Variants in LRP5 observed in about 807,000 individuals in gnomAD.
The protein encoded by LRP5 is low-density lipoprotein receptor-related protein 5.
A neutral mutation model predicts 154.1 loss-of-function variants in LRP5; 62 were observed. The observed-to-expected ratio is 0.40, with a 90% CI of 0.33 to 0.50. LRP5 has a LOEUF of 0.50. Among genes scored for constraint, LRP5 ranks in the 20% least tolerant of loss-of-function variants. LRP5 has a pLI of 0.55. For synonymous variants in LRP5, 966 were observed against 1,011.5 expected (o/e 0.96, Z 0.85); for missense variants, 1,915 against 2,336.7 (o/e 0.82, Z 3.72).
At chr11:68,356,108 C>T (rs1247721247) in intron 2 of LRP5, among the ~76,000 whole-genome samples, 12 of 150,622 alleles carry the variant, frequency 8.0e-5, no homozygotes, top group African/African-American at 2.0e-4. Context: ...CCTCCCAAAG[C>T]GCTGGAATTA....
chr11:68,303,643 G>A, the LRP5 span, among the ~76,000 whole-genome samples: 58 of 152,218 alleles, frequency 3.8e-4, no homozygotes, highest in Admixed American at 9.2e-4. Context: ...ACAGGTCTGC[G>A]CCACCACACC....
chr11:68,413,649 T>C lies in LRP5; in HGVS notation c.2504-40T>C, dbSNP rs1181086334. 11 of 1,589,860 alleles carry C rather than the reference T, an allele frequency of 6.9e-6. No homozygotes were observed. Among genetic ancestry groups the C allele is most frequent in the Admixed American group, 3.3e-5 (2 of 59,984 alleles). ...GGCGCCGTGTGCTCTGTGGCCTGGC[T>C]GTGCCTTTGCTGACACCGTGCCCGT... is the stretch of plus-strand genomic sequence containing the variant. On this transcript the variant is annotated intron_variant, in intron 11 of 22. Transcript: ENST00000294304. This position sits in a 1 kb window ranked among gnomAD's most constrained non-coding sequence, Gnocchi z 5.1.
Position 68,449,204 on chromosome 11 carries a change from ATGGGG to A in LRP5, c.*139_*143del, listed in dbSNP as rs1485927874. 3 of 315,084 alleles carry A rather than the reference ATGGGG, an allele frequency of 9.5e-6. No homozygotes were observed. In the East Asian group the frequency reaches 2.0e-4, roughly 21 times the overall value. The allele number at this position is 315,084 out of a possible 1,614,324, so 19.5% of individuals were successfully genotyped here. A position where few individuals can be genotyped will look rare whatever the true frequency, so the allele number is the denominator to read the frequency against. The stretch of plus-strand genomic sequence containing the variant: ...AAAAACATGAGAAATGTGAACTGTG[ATGGGG>A]TGGGCAGGGCTGGGAGAACTTTGTA... On this transcript the variant is annotated 3_prime_UTR_variant, in exon 23 of 23. Coordinates refer to ENST00000294304, the MANE Select transcript of LRP5 (RefSeq NM_002335.4).
chr11:68,404,278 G>C (rs147879658), intron 8 of LRP5: 1 of 529,410 alleles, frequency 1.9e-6, no homozygotes, highest in East Asian at 4.0e-5. Flanking sequence ...ACAGGCCTGG[G>C]GCTCGCGGGC....
chr11:68,316,938 A>G (rs1385561154), intron 1 of LRP5, among the ~76,000 whole-genome samples: 2 of 152,264 alleles, frequency 1.3e-5, no homozygotes, highest in East Asian at 1.9e-4. Flanking sequence ...GAAACACTTA[A>G]TGCGCTCTCC....
chr11:68,370,121 G>A (rs904982010), intron 5 of LRP5, among the ~76,000 whole-genome samples: 6 of 152,106 alleles, frequency 3.9e-5, no homozygotes, highest in East Asian at 1.9e-4. Flanking sequence ...GTAAAGGGGC[G>A]TTGATTTCTT....
At chr11:68,368,740 C>T (rs569094032) in intron 5 of LRP5, among the ~76,000 whole-genome samples, 9 of 152,086 alleles carry the variant, frequency 5.9e-5, no homozygotes, top group Middle Eastern at 3.4e-3. Context: ...TGTGGGTGAT[C>T]GAACCGTAAG....
chr11:68,410,540 C>T (rs1031196228), intron 10 of LRP5, among the ~76,000 whole-genome samples: 1 of 152,196 alleles, frequency 6.6e-6, no homozygotes, highest in African/African-American at 2.4e-5. Flanking sequence ...GACCAGGTCT[C>T]CTTGCTTTGC....
At chr11:68,372,559 G>A (rs186903244) in intron 5 of LRP5, among the ~76,000 whole-genome samples, 157 of 148,232 alleles carry the variant, frequency 1.1e-3, no homozygotes, top group Middle Eastern at 0.01. Context: ...ATCGTGTTGG[G>A]AGCTTAGGAA....
At chr11:68,403,833 C>T in intron 8 of LRP5, 134 bp downstream of exon 8, 2 of 1,029,878 alleles carry the variant, frequency 1.9e-6, no homozygotes, top group Non-Finnish European at 2.9e-6. Flanking sequence ...GGAAAGGTGA[C>T]AGTATCTGGC....
At chr11:68,443,895 G>A (rs913470850) in intron 21 of LRP5, among the ~76,000 whole-genome samples, 1 of 151,674 alleles carries the variant, frequency 6.6e-6, no homozygotes, top group African/African-American at 2.4e-5. Flanking sequence ...GCGACCTCAG[G>A]TGATCCACCC....
intron 5 of LRP5, among the ~76,000 whole-genome samples, chr11:68,383,555 C>T (rs2098641383): frequency 6.6e-6 from 1 of 152,194 alleles, no homozygotes; most frequent in African/African-American, 2.4e-5. Context: ...GGAGACAGGC[C>T]CAGAGAGGGG....
intron 7 of LRP5, among the ~76,000 whole-genome samples, chr11:68,396,666 G>C (rs909658102): frequency 6.6e-6 from 1 of 152,180 alleles, no homozygotes; most frequent in Non-Finnish European, 1.5e-5. Flanking sequence ...TGCTGGCCTT[G>C]ACTGTGACAG....
chr11:68,327,507 A>C (rs1373840923), intron 1 of LRP5, among the ~76,000 whole-genome samples: 1 of 151,838 alleles, frequency 6.6e-6, no homozygotes, highest in Admixed American at 6.6e-5. Context: ...GGCAGCATGA[A>C]AACAATTTAA....
chr11:68,398,124 A>G (rs879744868), intron 7 of LRP5, among the ~76,000 whole-genome samples: 6 of 152,170 alleles, frequency 3.9e-5, no homozygotes, highest in Non-Finnish European at 8.8e-5. Flanking sequence ...TCCCTCAGAC[A>G]ACAGAACTCT....
At chr11:68,313,522 G>T (rs2098590426) in intron 1 of LRP5, among the ~76,000 whole-genome samples, 1 of 152,204 alleles carries the variant, frequency 6.6e-6, no homozygotes, top group African/African-American at 2.4e-5. Context: ...GAGAGGTAGG[G>T]CGGGGGAACT....
chr11:68,330,778 G>T (rs2098602299), intron 1 of LRP5, among the ~76,000 whole-genome samples: 4 of 152,236 alleles, frequency 2.6e-5, no homozygotes, highest in Admixed American at 1.3e-4. Flanking sequence ...CGAGCCTGGG[G>T]GTGTAGCCCA....
intron 1 of LRP5, among the ~76,000 whole-genome samples, chr11:68,313,807 C>T (rs1208631257): frequency 6.6e-6 from 1 of 152,218 alleles, no homozygotes; most frequent in Non-Finnish European, 1.5e-5. Flanking sequence ...ACCTCGGGCC[C>T]CTTTGTCTGG....
intron 7 of LRP5, among the ~76,000 whole-genome samples, chr11:68,402,687 G>T (rs2098653285): frequency 6.6e-6 from 1 of 152,162 alleles, no homozygotes; most frequent in South Asian, 2.1e-4. Context: ...GCTCTGTGTG[G>T]TGGGTGTGAT....
Sources: allele counts gnomAD v4.1 joint callset (sites outside exome capture counted in the v4.1 genomes callset), GRCh38; gene constraint gnomAD v4.1.1; non-coding constraint Gnocchi (gnomAD v3.1); transcripts MANE v1.5; gene names NCBI Gene and HGNC (gene_info 2026-07-23, HGNC 2026-07-21).